KIAA1217: variants seen among roughly 807,000 people sequenced by gnomAD.
KIAA1217 encodes sickle tail protein homolog.
A neutral mutation model predicts 163.9 loss-of-function variants in KIAA1217; 88 were observed. The ratio of observed to expected loss-of-function variants is 0.54; its 90% confidence interval spans 0.45 to 0.64. The LOEUF is 0.64. Among genes scored for constraint, KIAA1217 ranks in the 30% least tolerant of loss-of-function variants. The pLI is 0.00. For synonymous variants in KIAA1217, 903 were observed against 923.1 expected, an observed-to-expected ratio of 0.98 and a Z score of 0.39; for missense variants, 2,372 against 2,475.0, an observed-to-expected ratio of 0.96 and a Z score of 0.88.
chr10:23,874,905 T>C (rs1457516698), intron 1 of KIAA1217, among the ~76,000 whole-genome samples: 1 of 152,034 alleles, frequency 6.6e-6, no homozygotes, highest in Non-Finnish European at 1.5e-5. Flanking sequence ...TGTCAGGCTG[T>C]GCAAGCATGG....
chr10:24,268,036 T>A (rs1018424266), intron 2 of KIAA1217, among the ~76,000 whole-genome samples: 1 of 152,158 alleles, frequency 6.6e-6, no homozygotes, highest in African/African-American at 2.4e-5. Flanking sequence ...AGCTCCTGTC[T>A]CCAGCAGTTA....
At chr10:23,758,237 G>A (rs1375571775) in intron 1 of KIAA1217, among the ~76,000 whole-genome samples, 1 of 152,166 alleles carries the variant, frequency 6.6e-6, no homozygotes, top group Admixed American at 6.5e-5. Context: ...TTTGTACATA[G>A]TGTTAGATAA....
At chr10:24,038,325 G>A (rs1246896935) in intron 2 of KIAA1217, among the ~76,000 whole-genome samples, 1 of 152,196 alleles carries the variant, frequency 6.6e-6, no homozygotes, top group African/African-American at 2.4e-5. Flanking sequence ...CTTTGTGGAT[G>A]AACCAGCTTT....
At chr10:24,190,872 C>T (rs1249420098) in intron 2 of KIAA1217, among the ~76,000 whole-genome samples, 1 of 145,154 alleles carries the variant, frequency 6.9e-6, no homozygotes, top group East Asian at 2.0e-4. Context: ...AAGGGATAAC[C>T]AGGACATGGG....
At chr10:23,992,537 G>A (rs1846262571) in intron 1 of KIAA1217, among the ~76,000 whole-genome samples, 1 of 151,924 alleles carries the variant, frequency 6.6e-6, no homozygotes, top group Non-Finnish European at 1.5e-5. Context: ...AGACCCCCCA[G>A]GATAAGAAGT....
At chr10:24,481,746 T>C (rs1410565411) in intron 6 of KIAA1217, 2 of 152,210 alleles carry the variant, frequency 1.3e-5, no homozygotes, top group Non-Finnish European at 2.9e-5. Flanking sequence ...AAAGAAGTGA[T>C]ACAGACGGTA....
intron 2 of KIAA1217, among the ~76,000 whole-genome samples, chr10:24,373,052 A>G (rs1244892999): frequency 2.6e-5 from 4 of 152,188 alleles, no homozygotes; most frequent in Admixed American, 6.5e-5. Context: ...GTCCAATCCA[A>G]TAAAACCAGG....
At chr10:23,697,780 G>C (rs1041400100) in intron 1 of KIAA1217, among the ~76,000 whole-genome samples, 2 of 151,990 alleles carry the variant, frequency 1.3e-5, no homozygotes, top group Non-Finnish European at 2.9e-5. Context: ...GGCAAGCTGA[G>C]GTGGGAAGAT....
At chr10:24,389,238 C>A (rs956871080) in intron 3 of KIAA1217, among the ~76,000 whole-genome samples, 1 of 152,116 alleles carries the variant, frequency 6.6e-6, no homozygotes, top group Non-Finnish European at 1.5e-5. Flanking sequence ...AGGATGAGTT[C>A]ATGTCCTTTG....
chr10:23,868,991 A>G (rs1475669918), intron 1 of KIAA1217, among the ~76,000 whole-genome samples: 1 of 152,128 alleles, frequency 6.6e-6, no homozygotes, highest in Non-Finnish European at 1.5e-5. Flanking sequence ...GGAATTAAAG[A>G]TTCTCTGTTA....
chr10:23,886,994 G>C (rs1489334952), intron 1 of KIAA1217, among the ~76,000 whole-genome samples: 1 of 151,788 alleles, frequency 6.6e-6, no homozygotes, highest in Non-Finnish European at 1.5e-5. Context: ...GAAGGGATTT[G>C]AGGCCCCTCT....
intron 2 of KIAA1217, among the ~76,000 whole-genome samples, chr10:24,226,452 C>G (rs1406560583): frequency 4.6e-5 from 7 of 151,422 alleles, no homozygotes; most frequent in Admixed American, 3.3e-4. Flanking sequence ...CGGTGAAACC[C>G]CGTCTCTACT....
chr10:24,110,925 A>T lies in KIAA1217; in HGVS notation c.-171+103551A>T, dbSNP rs78865642. On this transcript the variant is annotated intron_variant, in intron 2 of 18. Transcript: ENST00000376462. ...TATTTTTAAGTTATTTTTTTCAGTT[A>T]CGACATATTTTTAGTAATTTTTTTC... 9.3e-3 allele frequency among the ~76,000 whole-genome samples: 1,415 copies of T among 152,308 alleles called. 20 individuals are homozygous for T. The highest frequency in any genetic ancestry group is 0.032 in the African/African-American group (1,350 of 41,582).
Position 24,500,184 on chromosome 10 carries a change from A to AGTGTGTGTGTGTGT in KIAA1217, c.1835-1174_1835-1161dup, listed in dbSNP as rs57872451. Among the ~76,000 whole-genome samples the AGTGTGTGTGTGTGT allele has an allele frequency of 4.4e-4, 63 of 143,258 alleles. 1 individual carries two copies. Among genetic ancestry groups the AGTGTGTGTGTGTGT allele is most frequent in the Middle Eastern group, 3.6e-3 (1 of 280 alleles). 94.0% of individuals were successfully genotyped at this position (143,258 alleles called of 152,430 possible). On this transcript the variant is annotated intron_variant, in intron 8 of 20. Coordinates refer to ENST00000376454, the MANE Select transcript of KIAA1217 (RefSeq NM_019590.5). ...TTTACAGGAAAGAGAACTGAACAGAAGTGTGTGTGTGTGTGTGTGTGTGTG... is the reference window on the plus strand; with the variant it reads ...TTTACAGGAAAGAGAACTGAACAGAAGTGTGTGTGTGTGTGTGTGTGTGTGTGTGTGTGTGTGTG...
intron 1 of KIAA1217, among the ~76,000 whole-genome samples, chr10:23,729,680 G>A (rs2130784557): frequency 6.6e-6 from 1 of 152,004 alleles, no homozygotes; most frequent in South Asian, 2.1e-4. Context: ...ATATATTTTG[G>A]ATAAGCTGCC....
intron 2 of KIAA1217, among the ~76,000 whole-genome samples, chr10:24,234,220 G>T (rs1048849309): frequency 2.0e-5 from 3 of 151,698 alleles, no homozygotes. Flanking sequence ...TTGGATTTTT[G>T]GATTAGGGAT....
intron 2 of KIAA1217, among the ~76,000 whole-genome samples, chr10:24,092,970 G>C (rs1004529536): frequency 6.7e-6 from 1 of 149,188 alleles, no homozygotes; most frequent in African/African-American, 2.5e-5. Context: ...AAATCAGGAT[G>C]TAGAGGCACC....
At chr10:24,465,185 C>T (rs1564729173) in intron 5 of KIAA1217, among the ~76,000 whole-genome samples, 1 of 151,808 alleles carries the variant, frequency 6.6e-6, no homozygotes, top group African/African-American at 2.4e-5. Context: ...AATAACAAAC[C>T]CTTGCTGATT....
intron 3 of KIAA1217, among the ~76,000 whole-genome samples, chr10:24,384,093 C>T (rs1240259467): frequency 1.3e-5 from 2 of 152,192 alleles, no homozygotes; most frequent in Admixed American, 6.5e-5. Flanking sequence ...CTCCATGGGG[C>T]CTCAGATATG....
Sources: gnomAD v4.1 joint callset for allele counts (sites outside exome capture counted in the v4.1 genomes callset) on GRCh38, gnomAD v4.1.1 for gene constraint, MANE v1.5 for transcripts, NCBI Gene and HGNC (gene_info 2026-07-23, HGNC 2026-07-21) for gene names.